The following ANKRD27 variants were observed in gnomAD, a reference collection of about 807,000 sequenced individuals.
The protein encoded by ANKRD27 is ankyrin repeat domain-containing protein 27.
A neutral mutation model predicts 129.7 loss-of-function variants in ANKRD27; 112 were observed. The ratio of observed to expected loss-of-function variants is 0.86; its 90% CI spans 0.74 to 1.01. The LOEUF (loss-of-function observed/expected upper bound fraction) is 1.01, where lower values mean the gene tolerates loss of function less well. Ranked by LOEUF, ANKRD27 falls within the 50% of genes least tolerant of loss-of-function variation. The pLI is 0.00. For synonymous variants in ANKRD27, 516 were observed against 511.2 expected (o/e 1.01, Z -0.13); for missense variants, 1,258 against 1,300.5 (o/e 0.97, Z 0.50).
At chr19:32,661,746 C>T (rs931519126) in intron 1 of ANKRD27, among the ~76,000 whole-genome samples, 2 of 152,134 alleles carry the variant, frequency 1.3e-5, no homozygotes, top group South Asian at 2.1e-4. Flanking sequence ...ATCCCATGGT[C>T]GGCCCTGTGG....
intron 1 of ANKRD27, among the ~76,000 whole-genome samples, chr19:32,667,962 G>A (rs1244864811): frequency 6.6e-6 from 1 of 152,062 alleles, no homozygotes; most frequent in African/African-American, 2.4e-5. Context: ...TTAAATGAAT[G>A]AAATATGAAA....
chr19:32,603,254 C>T lies in ANKRD27; in HGVS notation c.2655+1009G>A, dbSNP rs758329229. On this transcript the variant is annotated intron_variant, in intron 25 of 28. Transcript: ENST00000306065. ...CAGAGGTTGCAGTGAGCCAAGATCACGCCACAACAGAGCAAGACTCTGTCT... is the reference window on the plus strand; with the variant it reads ...CAGAGGTTGCAGTGAGCCAAGATCATGCCACAACAGAGCAAGACTCTGTCT... Among the ~76,000 whole-genome samples the T allele has an allele frequency of 7.4e-4, 112 of 152,176 alleles. 2 individuals are homozygous for T. Among genetic ancestry groups the T allele is most frequent in the Admixed American group, 3.3e-3 (50 of 15,268 alleles).
intron 9 of ANKRD27, 53 bp from the exon 10 acceptor site, chr19:32,642,198 TGGCCTGG>T: frequency 6.7e-7 from 1 of 1,489,522 alleles, no homozygotes. Flanking sequence ...GAGAACCCTC[TGGCCTGG>T]ATCTAAGAAC....
intron 12 of ANKRD27, among the ~76,000 whole-genome samples, chr19:32,635,228 A>G (rs1967067762): frequency 6.6e-6 from 1 of 152,198 alleles, no homozygotes; most frequent in African/African-American, 2.4e-5. Context: ...ATTCCTCTGC[A>G]GGGCAGGAAA....
chr19:32,634,490 A>T (rs1390225279), intron 12 of ANKRD27, among the ~76,000 whole-genome samples: 1 of 152,140 alleles, frequency 6.6e-6, no homozygotes, highest in African/African-American at 2.4e-5. Context: ...AGGGTCCAAC[A>T]CCCTGACAAC....
At chr19:32,599,578 G>T in intron 28 of ANKRD27, 126 bp downstream of exon 28, 1 of 775,022 alleles carries the variant, frequency 1.3e-6, no homozygotes, top group Non-Finnish European at 2.1e-6. Context: ...AGTTTTAACT[G>T]CTGCTAACTC....
intron 26 of ANKRD27, among the ~76,000 whole-genome samples, chr19:32,600,839 T>C (rs546196016): frequency 6.6e-6 from 1 of 152,236 alleles, no homozygotes; most frequent in Non-Finnish European, 1.5e-5. Context: ...TTGTATTGCA[T>C]TATTGCATAC....
At chr19:32,644,189 G>T in intron 5 of ANKRD27, 136 bp downstream of exon 5, 1 of 1,083,002 alleles carries the variant, frequency 9.2e-7, no homozygotes, top group Non-Finnish European at 1.3e-6. Flanking sequence ...TACTTTTATA[G>T]TTAGAGAGAA....
intron 1 of ANKRD27, among the ~76,000 whole-genome samples, chr19:32,670,190 A>G (rs947175468): frequency 7.9e-5 from 12 of 152,292 alleles, no homozygotes; most frequent in Admixed American, 7.2e-4. Flanking sequence ...CTTAACAAGC[A>G]CTGCTGTGCG....
chr19:32,598,279 C>T lies in ANKRD27; in HGVS notation c.3019G>A (p.Gly1007Arg). The T allele has an allele frequency of 4.3e-6, 7 of 1,614,216 alleles. No homozygotes were observed. Among genetic ancestry groups the T allele is most frequent in the Non-Finnish European group, 5.9e-6 (7 of 1,180,042 alleles). ...KGNSDWPERP[G>R]LTQTGPGHRR... ...TGTCCAGGGCCAGTCTGTGTCAGTC[C>T]AGGCCTCTCTGGCCAGTCGCTGTTG... The change falls in exon 29 of 29, where the codon GGA becomes AGA. Residue 1007 changes from glycine (G) to arginine (R), a missense_variant. By Grantham distance (125) the Gly-to-Arg change is moderately radical (BLOSUM62 -2). Transcript: ENST00000306065.
intron 1 of ANKRD27, among the ~76,000 whole-genome samples, chr19:32,669,351 G>C (rs1191546596): frequency 6.6e-6 from 1 of 152,138 alleles, no homozygotes; most frequent in Non-Finnish European, 1.5e-5. Context: ...TCAGCTATTT[G>C]AATCATTAAA....
chr19:32,623,489 T>C (rs1972044202), intron 17 of ANKRD27, among the ~76,000 whole-genome samples: 1 of 152,086 alleles, frequency 6.6e-6, no homozygotes, highest in Non-Finnish European at 1.5e-5. Context: ...CTGTGTGTTG[T>C]TCCAACTCAC....
At chr19:32,651,996 C>G (rs1458575321) in intron 2 of ANKRD27, among the ~76,000 whole-genome samples, 1 of 152,220 alleles carries the variant, frequency 6.6e-6, no homozygotes, top group African/African-American at 2.4e-5. Context: ...GAAGCCAACG[C>G]TGGGCTCCCT....
intron 12 of ANKRD27, chr19:32,638,994 G>A (rs925913806): frequency 5.9e-5 from 22 of 370,834 alleles, no homozygotes; most frequent in African/African-American, 1.5e-4. Context: ...AGAGGTTTCC[G>A]GCTGGAAAAG....
chr19:32,600,360 A>G (rs929535677), intron 26 of ANKRD27: 1 of 212,870 alleles, frequency 4.7e-6, no homozygotes, highest in South Asian at 7.4e-5. Flanking sequence ...GGCAACATGG[A>G]GAAACCCCAT....
At chr19:32,621,003 A>T (rs575100762) in intron 18 of ANKRD27, among the ~76,000 whole-genome samples, 25 of 152,188 alleles carry the variant, frequency 1.6e-4, no homozygotes, top group African/African-American at 5.8e-4. Context: ...CTCTAAACTC[A>T]TCAAGTTGTA....
Position 32,631,405 on chromosome 19 carries a change from A to T in ANKRD27, c.1206T>A (p.Phe402Leu). ...QMTSSPTDCL[F>L]KHIASGNQKE... ...CAGAGATGTCTTGGTATCTCACCTT[A>T]AACAGGCAGTCGGTGGGAGACGAAG... Residue 402 changes from phenylalanine (F) to leucine (L), a missense_variant, in exon 13 of 29, where the codon TTT becomes TTA. Phe to Leu is a conservative substitution (Grantham distance 22). Coordinates refer to ENST00000306065, the MANE Select transcript of ANKRD27 (RefSeq NM_032139.3). 6.2e-7 allele frequency: 1 copy of T among 1,613,570 alleles called. No individual in the cohort carries two copies. Among genetic ancestry groups the T allele is most frequent in the Non-Finnish European group, 8.5e-7 (1 of 1,179,500 alleles).
intron 2 of ANKRD27, among the ~76,000 whole-genome samples, chr19:32,656,132 G>GA (rs1555747176): frequency 2.7e-5 from 4 of 147,700 alleles, no homozygotes; most frequent in Admixed American, 1.3e-4. Flanking sequence ...GAAAAGAAAA[G>GA]AAAAGAAAAA....
chr19:32,612,578 C>G (rs990455825), intron 22 of ANKRD27, among the ~76,000 whole-genome samples: 7 of 152,192 alleles, frequency 4.6e-5, no homozygotes, highest in Admixed American at 1.3e-4. Flanking sequence ...CATCAGTCAT[C>G]AAGACAGCGC....
Sources: gnomAD v4.1 joint callset for allele counts (sites outside exome capture counted in the v4.1 genomes callset) on GRCh38, gnomAD v4.1.1 for gene constraint, MANE v1.5 for transcripts, NCBI Gene and HGNC (gene_info 2026-07-23, HGNC 2026-07-21) for gene names.